The following NCAM1 variants were observed in gnomAD, a reference collection of about 807,000 sequenced individuals.
NCAM1 encodes the protein antigen recognized by monoclonal antibody 5.1H11.
In NCAM1, 14 loss-of-function variants were observed where a neutral mutation model predicts 109.8. The observed-to-expected ratio is 0.13, with a 90% confidence interval of 0.08 to 0.20. The LOEUF (loss-of-function observed/expected upper bound fraction) is 0.20, where lower values mean the gene tolerates loss of function less well. Ranked by LOEUF, NCAM1 falls within the 10% of genes least tolerant of loss-of-function variation. The pLI is 1.00. For missense variants in NCAM1, 774 were observed against 1,109.9 expected (o/e 0.70, Z 4.30); for synonymous variants, 418 against 442.9 (o/e 0.94, Z 0.70).
chr11:113,042,927 C>T (rs1240176767), intron 1 of NCAM1, among the ~76,000 whole-genome samples: 2 of 152,256 alleles, frequency 1.3e-5, no homozygotes, highest in Non-Finnish European at 1.5e-5. Flanking sequence ...TAGTGCCTGA[C>T]ACATAGTAAG....
chr11:112,997,714 T>C (rs1951632843), intron 1 of NCAM1, among the ~76,000 whole-genome samples: 1 of 152,182 alleles, frequency 6.6e-6, no homozygotes, highest in African/African-American at 2.4e-5. Context: ...AAGAAATTAT[T>C]TAGGGCTGCT....
chr11:112,966,566 C>G (rs551449909), intron 1 of NCAM1, among the ~76,000 whole-genome samples: 2 of 152,332 alleles, frequency 1.3e-5, no homozygotes, highest in South Asian at 4.1e-4. Flanking sequence ...GGTCATAGTC[C>G]TGTTACCTCT....
At chr11:113,139,254 A>C (rs963934442) in intron 1 of NCAM1, among the ~76,000 whole-genome samples, 5 of 152,222 alleles carry the variant, frequency 3.3e-5, no homozygotes, top group Admixed American at 3.3e-4. Flanking sequence ...TTTGATATTT[A>C]TTATAAAAGA....
chr11:113,165,105 A>G (rs1555105044), intron 1 of NCAM1, among the ~76,000 whole-genome samples: 1 of 152,154 alleles, frequency 6.6e-6, no homozygotes, highest in Non-Finnish European at 1.5e-5. Flanking sequence ...CCAGCATGAC[A>G]ATGGAAACGT....
chr11:113,023,184 A>G (rs563735275), intron 1 of NCAM1, among the ~76,000 whole-genome samples: 1 of 152,358 alleles, frequency 6.6e-6, no homozygotes, highest in Admixed American at 6.5e-5. Context: ...ATGGCATCAT[A>G]AGTGTGGGTT....
intron 1 of NCAM1, among the ~76,000 whole-genome samples, chr11:113,096,720 TGACAAACCCCTGA>T (rs1353133998): frequency 6.6e-6 from 1 of 152,204 alleles, no homozygotes; most frequent in Non-Finnish European, 1.5e-5. Context: ...GCATCACTGA[TGACAAACCCCTGA>T]GCCTGGGGTT....
At chr11:113,261,650 T>G (rs1209764589) in intron 17 of NCAM1, among the ~76,000 whole-genome samples, 1 of 152,192 alleles carries the variant, frequency 6.6e-6, no homozygotes, top group Non-Finnish European at 1.5e-5. Context: ...TGCCCCTTCT[T>G]TCTCTCCATT....
intron 1 of NCAM1, among the ~76,000 whole-genome samples, chr11:113,076,273 C>T (rs1938522238): frequency 6.6e-6 from 1 of 152,158 alleles, no homozygotes; most frequent in Non-Finnish European, 1.5e-5. Context: ...GAAGCAGCAG[C>T]AGTTTGCAGA....
chr11:113,117,448 C>T lies in NCAM1; in HGVS notation c.53-84931C>T, dbSNP rs2136001836. ...AGAACCTGAATCTTCAAACTCCTACCTTCCCGTCCCCCACTAATCCCCGCA... is the reference window on the plus strand; with the variant it reads ...AGAACCTGAATCTTCAAACTCCTACTTTCCCGTCCCCCACTAATCCCCGCA... On this transcript the variant is annotated intron_variant, in intron 1 of 19. Coordinates refer to ENST00000316851, the MANE Select transcript of NCAM1 (RefSeq NM_181351.5). 1.3e-5 allele frequency among the ~76,000 whole-genome samples: 2 copies of T among 152,082 alleles called. 1 individual carries two copies. Among genetic ancestry groups the T allele is most frequent in the Middle Eastern group, 6.8e-3 (2 of 294 alleles).
At chr11:113,269,397 G>A (rs782760254) in intron 17 of NCAM1, 5 of 152,486 alleles carry the variant, frequency 3.3e-5, no homozygotes, top group East Asian at 3.9e-4. Context: ...TTTATCCTGC[G>A]TGTGAGTGTG....
chr11:113,223,232 G>A (rs1944737237), intron 9 of NCAM1, among the ~76,000 whole-genome samples: 1 of 152,152 alleles, frequency 6.6e-6, no homozygotes, highest in African/African-American at 2.4e-5. Context: ...TTGTGCAGGA[G>A]CCATAGTAAA....
intron 9 of NCAM1, 191 bp downstream of exon 9, chr11:113,221,516 G>T (rs782347877): frequency 9.4e-5 from 49 of 522,334 alleles, no homozygotes; most frequent in Non-Finnish European, 1.4e-4. Context: ...GGGAGTGGAT[G>T]AACAAATCCA....
rs144750492 is a variant in NCAM1, at chr11:113,240,955, C to T, written c.1826-5413C>T. On this transcript the variant is annotated intron_variant, in intron 14 of 19. Transcript: ENST00000316851. ...CAACTCAGTTGGTGGAAAGCAGCGTCGGGTTTTAGAGGAGCAGTTGAGAAG... is the reference window on the plus strand; with the variant it reads ...CAACTCAGTTGGTGGAAAGCAGCGTTGGGTTTTAGAGGAGCAGTTGAGAAG... 339 of 1,056,356 alleles carry T rather than the reference C, an allele frequency of 3.2e-4. 1 individual carries two copies. The East Asian group carries it at 4.1e-3, about 13-fold the overall frequency. The allele number at this position is 1,056,356 out of a possible 1,614,324, so 65.4% of individuals were successfully genotyped here.
intron 6 of NCAM1, among the ~76,000 whole-genome samples, 168 bp downstream of exon 6, chr11:113,207,546 T>G (rs1387951434): frequency 6.6e-6 from 1 of 152,230 alleles, no homozygotes; most frequent in East Asian, 1.9e-4. Flanking sequence ...GTGCATTGAT[T>G]ATTCCTTCAA....
rs1946360914 is a variant in NCAM1 at position 113,274,322 on chromosome 11, A to G, written c.2457-945A>G. ...CTGGGAAGACTCGGGGCTCCCCAGC[A>G]TCAAATGGCTGCTGGGTCTCAAAGT... On this transcript the variant is annotated intron_variant, in intron 19 of 19. Coordinates refer to ENST00000316851, the MANE Select transcript of NCAM1 (RefSeq NM_181351.5). This position sits in a 1 kb window ranked among gnomAD's most constrained non-coding sequence, Gnocchi z 4.1. 6.6e-6 allele frequency among the ~76,000 whole-genome samples: 1 copy of G among 152,128 alleles called. No homozygotes were observed. The highest frequency in any genetic ancestry group is 2.1e-4 in the South Asian group (1 of 4,822).
intron 8 of NCAM1, among the ~76,000 whole-genome samples, 183 bp downstream of exon 8, chr11:113,214,694 A>G (rs1338362061): frequency 6.6e-6 from 1 of 152,132 alleles, no homozygotes; most frequent in Non-Finnish European, 1.5e-5. Context: ...TCCCCTTGTA[A>G]TGGAATAGGC....
chr11:112,963,560 C>G lies in NCAM1; in HGVS notation c.52+1896C>G, dbSNP rs1950634290. The G allele has an allele frequency of 1.3e-5, 2 of 152,406 alleles. No homozygotes were observed. Among genetic ancestry groups the G allele is most frequent in the Non-Finnish European group, 2.9e-5 (2 of 68,208 alleles). 9.4% of individuals were successfully genotyped at this position (152,406 alleles called of 1,614,324 possible). ...GGGACCAAGCCTAGTCCGCCTGGCC[C>G]TGGGTCTCCGCTGCCACCTGGGCGG... On this transcript the variant is annotated intron_variant, in intron 1 of 19. Coordinates refer to ENST00000316851, the MANE Select transcript of NCAM1 (RefSeq NM_181351.5). The surrounding 1 kb of genome is among the most constrained non-coding windows in gnomAD (Gnocchi z 4.6).
intron 1 of NCAM1, among the ~76,000 whole-genome samples, chr11:113,089,366 G>C (rs1939235778): frequency 8.4e-6 from 1 of 119,510 alleles, no homozygotes; most frequent in Non-Finnish European, 1.9e-5. Flanking sequence ...CTAAAAAATA[G>C]AGTGGGTTTA....
intron 1 of NCAM1, among the ~76,000 whole-genome samples, chr11:113,080,732 T>TG (rs1172071811): frequency 1.3e-5 from 2 of 152,364 alleles, no homozygotes; most frequent in East Asian, 3.9e-4. Flanking sequence ...ATCGTACACA[T>TG]GGAGCCATAC....
Sources: gnomAD v4.1 joint callset for allele counts (sites outside exome capture counted in the v4.1 genomes callset) on GRCh38, gnomAD v4.1.1 for gene constraint, Gnocchi (gnomAD v3.1) non-coding constraint, MANE v1.5 for transcripts, NCBI Gene and HGNC (gene_info 2026-07-23, HGNC 2026-07-21) for gene names.